Variants in CDH4 observed in about 807,000 individuals in gnomAD.
CDH4 encodes the protein cadherin 4, also known as cadherin-4.
A neutral mutation model predicts 86.0 loss-of-function variants in CDH4; 33 were observed. The observed-to-expected ratio is 0.38, with a 90% CI of 0.29 to 0.51. The LOEUF is 0.51. Among genes scored for constraint, CDH4 ranks in the 20% least tolerant of loss-of-function variants. The probability of loss-of-function intolerance (pLI) is 0.86; values close to 1 mark genes in which losing one functional copy is unlikely to be tolerated. For synonymous variants in CDH4, 555 were observed against 549.4 expected, an observed-to-expected ratio of 1.01 and a Z score of -0.14; for missense variants, 1,114 against 1,307.4, an observed-to-expected ratio of 0.85 and a Z score of 2.28.
At chr20:61,627,181 T>C (rs1420546093) in intron 2 of CDH4, among the ~76,000 whole-genome samples, 2 of 152,124 alleles carry the variant, frequency 1.3e-5, no homozygotes, top group African/African-American at 4.8e-5. Context: ...GGAGGACCCG[T>C]TCCAGGGGTG....
At chr20:61,490,566 G>T (rs933403782) in intron 2 of CDH4, among the ~76,000 whole-genome samples, 2 of 152,170 alleles carry the variant, frequency 1.3e-5, no homozygotes, top group Admixed American at 1.3e-4. Flanking sequence ...GGGCATAGTG[G>T]TGGGTGCCTG....
intron 1 of CDH4, among the ~76,000 whole-genome samples, chr20:61,254,365 A>G (rs2084085732): frequency 6.6e-6 from 1 of 152,024 alleles, no homozygotes; most frequent in Non-Finnish European, 1.5e-5. Context: ...CCTGGAGAGG[A>G]GACAAGAAGC....
chr20:61,818,631 T>TAC (rs1980855708), intron 4 of CDH4, among the ~76,000 whole-genome samples: 1 of 150,886 alleles, frequency 6.6e-6, no homozygotes, highest in African/African-American at 2.4e-5. Flanking sequence ...TGAGCTATGA[T>TAC]TGCCCCACTG....
intron 2 of CDH4, among the ~76,000 whole-genome samples, chr20:61,477,108 C>G (rs958350283): frequency 1.2e-4 from 19 of 152,132 alleles, no homozygotes; most frequent in Non-Finnish European, 2.8e-4. Flanking sequence ...AGCCTGAGGC[C>G]AAGAGATGGG....
rs774907868 is a variant in CDH4 at position 61,934,140 on chromosome 20, C to T, written c.2464C>T (p.Arg822Trp). ...KAPGVRRVDE[R>W]PVGAEPQYPI... ...CCCTGGCGTGCGTCGCGTGGATGAG[C>T]GGCCGGTGGGCGCTGAGCCCCAGTA... is the stretch of plus-strand genomic sequence containing the variant. The change falls in exon 15 of 16, where the codon CGG becomes TGG. Residue 822 changes from arginine (R) to tryptophan (W), a missense_variant. Physicochemically the swap from Arg to Trp is moderately radical, Grantham distance 101. Coordinates refer to ENST00000614565, the MANE Select transcript of CDH4 (RefSeq NM_001794.5). 1.4e-5 allele frequency: 22 copies of T among 1,610,564 alleles called. No individual in the cohort carries two copies. Among genetic ancestry groups the T allele is most frequent in the Non-Finnish European group, 1.7e-5 (20 of 1,179,002 alleles).
chr20:61,607,638 G>A (rs2086655531), intron 2 of CDH4, among the ~76,000 whole-genome samples: 1 of 152,214 alleles, frequency 6.6e-6, no homozygotes, highest in South Asian at 2.1e-4. Flanking sequence ...GAGGTCCCAG[G>A]TGAAGAGGAA....
In CDH4 at chr20:61,676,611, T is replaced by C. The variant is rs1257142686; in HGVS notation, c.170-66952T>C. On this transcript the variant is annotated intron_variant, in intron 2 of 15. Coordinates refer to ENST00000614565, the MANE Select transcript of CDH4 (RefSeq NM_001794.5). This position sits in a 1 kb window ranked among gnomAD's most constrained non-coding sequence, Gnocchi z 4.5. Reference sequence around the variant, plus strand: ...CTGGCTCTGTGCACCCAGCCAGGGTTCACTGAGTGTACCTGGCATTCTCTC... The same window carrying C: ...CTGGCTCTGTGCACCCAGCCAGGGTCCACTGAGTGTACCTGGCATTCTCTC... Among the ~76,000 whole-genome samples, 1 of 152,126 alleles carries C rather than the reference T, an allele frequency of 6.6e-6. No homozygotes were observed. The highest frequency in any genetic ancestry group is 2.4e-5 in the African/African-American group (1 of 41,412).
intron 4 of CDH4, among the ~76,000 whole-genome samples, chr20:61,831,075 G>A (rs563605665): frequency 3.3e-5 from 5 of 152,242 alleles, no homozygotes; most frequent in African/African-American, 1.2e-4. Context: ...CTCAACTCTT[G>A]GGGGAGCTTT....
At chr20:61,777,996 G>A (rs1471313070) in intron 4 of CDH4, among the ~76,000 whole-genome samples, 1 of 152,132 alleles carries the variant, frequency 6.6e-6, no homozygotes, top group Non-Finnish European at 1.5e-5. Context: ...ACACACACGT[G>A]CACACTATAC....
chr20:61,552,498 G>A (rs1370650162), intron 2 of CDH4, among the ~76,000 whole-genome samples: 5 of 152,136 alleles, frequency 3.3e-5, no homozygotes, highest in African/African-American at 7.2e-5. Context: ...TCAGGAGTTC[G>A]AGACCAGCCT....
intron 7 of CDH4, among the ~76,000 whole-genome samples, chr20:61,883,336 C>T (rs1368502220): frequency 2.0e-5 from 3 of 152,208 alleles, no homozygotes; most frequent in Non-Finnish European, 2.9e-5. Context: ...CGGTCTCCTC[C>T]CCTAGAGCCA....
At chr20:61,655,988 G>A (rs181816419) in intron 2 of CDH4, among the ~76,000 whole-genome samples, 44 of 152,274 alleles carry the variant, frequency 2.9e-4, no homozygotes, top group Admixed American at 4.6e-4. Flanking sequence ...TTCAGATATC[G>A]TGAACAGTCC....
rs534942484 is a variant in CDH4, at chr20:61,908,879, G to C, written c.1189-1543G>C. On this transcript the variant is annotated intron_variant, in intron 8 of 15. Coordinates refer to ENST00000614565, the MANE Select transcript of CDH4 (RefSeq NM_001794.5). Reference sequence around the variant, plus strand: ...GCCACCTGCAGCCCTGGAAGGTCAGGCTCCTGGGTTCAGGTCACCCCAGTG... The same window carrying C: ...GCCACCTGCAGCCCTGGAAGGTCAGCCTCCTGGGTTCAGGTCACCCCAGTG... 7.9e-5 allele frequency among the ~76,000 whole-genome samples: 12 copies of C among 152,342 alleles called. 1 individual carries two copies. The South Asian group carries it at 2.5e-3, about 32-fold the overall frequency.
intron 8 of CDH4, among the ~76,000 whole-genome samples, chr20:61,895,619 A>G (rs1985068270): frequency 6.6e-6 from 1 of 152,192 alleles, no homozygotes; most frequent in Admixed American, 6.5e-5. Flanking sequence ...ACAGGGCTGT[A>G]AGGCATGCAG....
At chr20:61,369,240 C>T (rs1217020726) in intron 2 of CDH4, among the ~76,000 whole-genome samples, 1 of 151,900 alleles carries the variant, frequency 6.6e-6, no homozygotes, top group Non-Finnish European at 1.5e-5. Context: ...ATCATGAGTT[C>T]AGGAGTTCGG....
At chr20:61,282,933 C>T (rs1600831805) in intron 2 of CDH4, among the ~76,000 whole-genome samples, 1 of 105,972 alleles carries the variant, frequency 9.4e-6, no homozygotes. Flanking sequence ...TGCATTTGCA[C>T]GCGTGTGCTG....
At position 61,623,717 on chromosome 20, in the gene CDH4, C is replaced by G. The variant is rs948691920; in HGVS notation, c.170-119846C>G. 2.0e-5 allele frequency among the ~76,000 whole-genome samples: 3 copies of G among 152,086 alleles called. No individual in the cohort carries two copies. Among genetic ancestry groups the G allele is most frequent in the Admixed American group, 6.5e-5 (1 of 15,280 alleles). ...CAGGAGAAGGCTGGTTTTAGTGCAT[C>G]ACTGAGCGCAAAGTATTTTTGCAAT... On this transcript the variant is annotated intron_variant, in intron 2 of 15. Coordinates refer to ENST00000614565, the MANE Select transcript of CDH4 (RefSeq NM_001794.5). This position sits in a 1 kb window ranked among gnomAD's most constrained non-coding sequence, Gnocchi z 4.4.
In CDH4 at chr20:61,598,712, G is replaced by A. The variant is rs959449109; in HGVS notation, c.170-144851G>A. Among the ~76,000 whole-genome samples, 8 of 152,194 alleles carry A rather than the reference G, an allele frequency of 5.3e-5. No individual in the cohort carries two copies. The East Asian group carries it at 1.2e-3, about 22-fold the overall frequency. On this transcript the variant is annotated intron_variant, in intron 2 of 15. Coordinates refer to ENST00000614565, the MANE Select transcript of CDH4 (RefSeq NM_001794.5). ...CCTTAGCCACAGGCCAGATCTCATC[G>A]TGTTTCTCACCCTCTTCTCCACGCG...
chr20:61,442,852 C>T (rs1048601833), intron 2 of CDH4, among the ~76,000 whole-genome samples: 4 of 152,234 alleles, frequency 2.6e-5, no homozygotes, highest in Non-Finnish European at 4.4e-5. Context: ...TGCAGTCCCC[C>T]GGCCTTGGCA....
Sources: allele counts gnomAD v4.1 joint callset (sites outside exome capture counted in the v4.1 genomes callset), GRCh38; gene constraint gnomAD v4.1.1; non-coding constraint Gnocchi (gnomAD v3.1); transcripts MANE v1.5; gene names NCBI Gene and HGNC (gene_info 2026-07-23, HGNC 2026-07-21).